KIAA1328: variants seen among roughly 807,000 people sequenced by gnomAD.
KIAA1328 encodes KIAA1328.
Under a neutral mutation model 68.1 loss-of-function variants are expected in KIAA1328, and 52 were observed. That is an observed-to-expected ratio of 0.76 (90% CI 0.61 to 0.96). The LOEUF (loss-of-function observed/expected upper bound fraction) is 0.96. Ranked by LOEUF, KIAA1328 falls within the 40% of genes least tolerant of loss-of-function variation. The pLI, the probability that KIAA1328 is intolerant of heterozygous loss-of-function variation, is 0.00. For missense variants in KIAA1328, 641 were observed against 677.6 expected (o/e 0.95, Z 0.60); for synonymous variants, 232 against 239.4 (o/e 0.97, Z 0.28).
At chr18:36,987,799 A>G (rs1465682295) in intron 6 of KIAA1328, among the ~76,000 whole-genome samples, 1 of 151,874 alleles carries the variant, frequency 6.6e-6, no homozygotes, top group Non-Finnish European at 1.5e-5. Flanking sequence ...AGGTGATTGC[A>G]TGTCAGTCAT....
chr18:37,077,298 A>C (rs1390030812), intron 7 of KIAA1328, among the ~76,000 whole-genome samples: 1 of 121,092 alleles, frequency 8.3e-6, no homozygotes, highest in African/African-American at 4.3e-5. Context: ...TTCATGCTAA[A>C]AACTCAATAA....
At chr18:37,210,475 C>T (rs2060295773) in intron 9 of KIAA1328, among the ~76,000 whole-genome samples, 1 of 152,146 alleles carries the variant, frequency 6.6e-6, no homozygotes, top group Non-Finnish European at 1.5e-5. Flanking sequence ...CTGTGAAGTA[C>T]AGAGGTAAGA....
At chr18:36,967,584 T>C (rs897205392) in intron 6 of KIAA1328, among the ~76,000 whole-genome samples, 9 of 152,198 alleles carry the variant, frequency 5.9e-5, no homozygotes, top group Admixed American at 4.6e-4. Flanking sequence ...GGCTCCAAGA[T>C]GGCCAACTAG....
chr18:37,117,818 G>A (rs1266784328), intron 7 of KIAA1328, among the ~76,000 whole-genome samples: 1 of 151,328 alleles, frequency 6.6e-6, no homozygotes, highest in Non-Finnish European at 1.5e-5. Context: ...AACTTTTAAT[G>A]CATCTCACGT....
chr18:36,930,808 T>G (rs4627443), intron 5 of KIAA1328, among the ~76,000 whole-genome samples: 111,512 of 151,804 alleles, frequency 0.73, 44,094 homozygotes, highest in South Asian at 0.89. Flanking sequence ...AAAAGTAATG[T>G]CCACTCATTT....
At chr18:37,058,251 CGTT>C (rs963499230) in intron 6 of KIAA1328, among the ~76,000 whole-genome samples, 3 of 152,090 alleles carry the variant, frequency 2.0e-5, no homozygotes, top group Non-Finnish European at 4.4e-5. Context: ...ACCCCTTCCT[CGTT>C]GTTGCTTACT....
chr18:37,012,622 T>G (rs2054015421), intron 6 of KIAA1328, among the ~76,000 whole-genome samples: 1 of 152,138 alleles, frequency 6.6e-6, no homozygotes, highest in Non-Finnish European at 1.5e-5. Context: ...TAACTTTGCA[T>G]TAATAAGTGA....
chr18:36,924,126 T>C (rs1451262484), intron 5 of KIAA1328, among the ~76,000 whole-genome samples: 1 of 152,122 alleles, frequency 6.6e-6, no homozygotes, highest in Non-Finnish European at 1.5e-5. Flanking sequence ...TTGATCTGAT[T>C]TGTGTTTGTT....
intron 6 of KIAA1328, among the ~76,000 whole-genome samples, chr18:36,995,032 A>C (rs763447561): frequency 9.2e-5 from 14 of 152,088 alleles, no homozygotes; most frequent in Non-Finnish European, 1.9e-4. Context: ...AGGTATACAC[A>C]TGCCCTGGAG....
At chr18:36,985,384 A>G (rs923406061) in intron 6 of KIAA1328, among the ~76,000 whole-genome samples, 1 of 152,220 alleles carries the variant, frequency 6.6e-6, no homozygotes, top group Non-Finnish European at 1.5e-5. Flanking sequence ...TAAAATTTAT[A>G]TGGAAATGTA....
chr18:36,856,337 C>G (rs1012735603), intron 4 of KIAA1328, among the ~76,000 whole-genome samples: 1 of 152,000 alleles, frequency 6.6e-6, no homozygotes, highest in Non-Finnish European at 1.5e-5. Context: ...CGATGTCATT[C>G]CACAGGTCCA....
At chr18:36,848,059 T>G (rs2047086198) in intron 4 of KIAA1328, among the ~76,000 whole-genome samples, 1 of 151,736 alleles carries the variant, frequency 6.6e-6, no homozygotes, top group African/African-American at 2.4e-5. Context: ...CTCTTTGAGG[T>G]CCTTTGCATT....
At chr18:37,163,156 G>C (rs1191940810) in intron 8 of KIAA1328, among the ~76,000 whole-genome samples, 1 of 152,124 alleles carries the variant, frequency 6.6e-6, no homozygotes, top group Non-Finnish European at 1.5e-5. Context: ...AGCTTGCCTA[G>C]AACCCCCCTT....
chr18:36,869,132 G>A (rs2047858063), intron 4 of KIAA1328, among the ~76,000 whole-genome samples: 1 of 149,152 alleles, frequency 6.7e-6, no homozygotes, highest in African/African-American at 2.5e-5. Context: ...TGTTTATAAT[G>A]GATTACATAG....
At chr18:37,060,667 T>C (rs2056110000) in intron 6 of KIAA1328, among the ~76,000 whole-genome samples, 1 of 152,170 alleles carries the variant, frequency 6.6e-6, no homozygotes, top group Non-Finnish European at 1.5e-5. Flanking sequence ...AAAAAGACTT[T>C]TATCATTACT....
At chr18:36,891,557 G>C (rs903340958) in intron 5 of KIAA1328, among the ~76,000 whole-genome samples, 12 of 152,166 alleles carry the variant, frequency 7.9e-5, no homozygotes, top group African/African-American at 9.7e-5. Context: ...AGAACATAAC[G>C]ATGTTTGGTT....
intron 5 of KIAA1328, among the ~76,000 whole-genome samples, chr18:36,958,001 T>C (rs971683001): frequency 6.6e-6 from 1 of 152,162 alleles, no homozygotes; most frequent in Non-Finnish European, 1.5e-5. Context: ...CTAATCTATT[T>C]CTGTCTGTAT....
At chr18:36,881,356 A>T (rs531277680) in intron 4 of KIAA1328, among the ~76,000 whole-genome samples, 1 of 152,050 alleles carries the variant, frequency 6.6e-6, no homozygotes, top group Non-Finnish European at 1.5e-5. Context: ...TTAATATCGA[A>T]TCTACCCTAT....
intron 5 of KIAA1328, chr18:36,885,953 G>A (rs1305189957): frequency 1.6e-5 from 6 of 376,182 alleles, no homozygotes; most frequent in South Asian, 1.5e-4. Flanking sequence ...CTGACCTCAG[G>A]TGATCTGCCT....
Sources: gnomAD v4.1 joint callset for allele counts (sites outside exome capture counted in the v4.1 genomes callset) on GRCh38, gnomAD v4.1.1 for gene constraint, MANE v1.5 for transcripts, NCBI Gene and HGNC (gene_info 2026-07-23, HGNC 2026-07-21) for gene names.